The following RELL1 variants were observed in gnomAD, a reference collection of about 807,000 sequenced individuals.
RELL1 encodes RELT-like protein 1.
A neutral mutation model predicts 23.0 loss-of-function variants in RELL1; 10 were observed. That is an observed-to-expected ratio of 0.43 (90% CI 0.27 to 0.74). The LOEUF is 0.74. Among genes scored for constraint, RELL1 ranks in the 30% least tolerant of loss-of-function variants. The pLI is 0.19. For synonymous variants in RELL1, 146 were observed against 146.8 expected, an observed-to-expected ratio of 0.99 and a Z score of 0.04; for missense variants, 315 against 364.4, an observed-to-expected ratio of 0.86 and a Z score of 1.10.
intron 1 of RELL1, among the ~76,000 whole-genome samples, chr4:37,672,053 T>C (rs1415107485): frequency 6.6e-6 from 1 of 151,970 alleles, no homozygotes; most frequent in East Asian, 1.9e-4. Flanking sequence ...TCCCAACACA[T>C]CCATATGTCA....
intron 1 of RELL1, among the ~76,000 whole-genome samples, chr4:37,668,514 A>T (rs1721626175): frequency 6.6e-6 from 1 of 151,822 alleles, no homozygotes; most frequent in Non-Finnish European, 1.5e-5. Context: ...TCCTTCACTC[A>T]GTGCTCAATG....
At chr4:37,605,797 A>AAG (rs1553871639), downstream of RELL1, among the ~76,000 whole-genome samples, 2 of 90,424 alleles carry the variant, frequency 2.2e-5, no homozygotes, top group Non-Finnish European at 4.3e-5. Flanking sequence ...AAGAAAGAGA[A>AAG]AGAAAGAAAG....
intron 3 of RELL1, among the ~76,000 whole-genome samples, chr4:37,647,165 G>A (rs1720737978): frequency 6.6e-6 from 1 of 152,196 alleles, no homozygotes; most frequent in African/African-American, 2.4e-5. Context: ...TCCAGGGCTG[G>A]GTCTCTGCAA....
intron 6 of RELL1, among the ~76,000 whole-genome samples, chr4:37,599,905 G>T (rs533381463): frequency 3.0e-4 from 46 of 152,032 alleles, no homozygotes; most frequent in South Asian, 1.7e-3. Flanking sequence ...CCCCTCTCTC[G>T]GCCATAATGA....
chr4:37,679,665 A>T (rs75411794), intron 1 of RELL1, among the ~76,000 whole-genome samples: 5,660 of 152,242 alleles, frequency 0.037, 153 homozygotes, highest in African/African-American at 0.073. Context: ...CCATAGAACC[A>T]CACATTAGGC....
At chr4:37,590,260 A>C (rs1466800304), downstream of RELL1, 3 of 1,614,080 alleles carry the variant, frequency 1.9e-6, no homozygotes, top group Non-Finnish European at 2.5e-6. Flanking sequence ...GAGCAGCAGC[A>C]GGACAGCTGA....
In RELL1 at chr4:37,611,859, G is replaced by A. The variant is rs1037732414; in HGVS notation, c.*1487C>T. Among the ~76,000 whole-genome samples the A allele has an allele frequency of 6.6e-6, 1 of 152,134 alleles. No individual in the cohort carries two copies. The highest frequency in any genetic ancestry group is 1.5e-5 in the Non-Finnish European group (1 of 68,028). On this transcript the variant is annotated 3_prime_UTR_variant, in exon 7 of 7. Transcript: ENST00000454158. Reference sequence around the variant, plus strand: ...ACAAAGAAAAACATGCCAGAGGTAGGTGCAGGCCCATCTTATATGAGAAGC... The same window carrying A: ...ACAAAGAAAAACATGCCAGAGGTAGATGCAGGCCCATCTTATATGAGAAGC...
At chr4:37,590,871 G>T (rs753032474) in exon 7 of RELL1, 1 of 1,614,248 alleles carries the variant, frequency 6.2e-7, no homozygotes, top group East Asian at 2.2e-5. Context: ...CAGGAAACAG[G>T]CAGGAGGATA....
In RELL1 at chr4:37,631,425, G is replaced by A. The variant is rs1560336883; in HGVS notation, c.779C>T (p.Ala260Val). The A allele has an allele frequency of 1.9e-6, 3 of 1,613,964 alleles. No homozygotes were observed. The African/African-American group carries it at 4.0e-5, about 22-fold the overall frequency. The stretch of plus-strand genomic sequence containing the variant: ...ACTGCGTTCTCTCTTCACAGGTGTT[G>A]CCGGCACCTCCCCATTGACGGTTTC... ...GAETVNGEVPATPVKRERSGT... is the reference protein window; with the variant it reads ...GAETVNGEVPVTPVKRERSGT... Residue 260 changes from alanine to valine, a missense_variant, in exon 6 of 7, where the codon GCA becomes GTA. Ala to Val is a moderately conservative substitution (Grantham distance 64, BLOSUM62 0). Coordinates refer to ENST00000454158, the MANE Select transcript of RELL1 (RefSeq NM_001085400.2).
intron 1 of RELL1, among the ~76,000 whole-genome samples, chr4:37,671,807 T>C (rs2109309568): frequency 6.6e-6 from 1 of 152,344 alleles, no homozygotes; most frequent in Middle Eastern, 3.4e-3. Context: ...CTCTACGGAT[T>C]TGCCCGGAAG....
chr4:37,654,506 T>G (rs946018121), intron 1 of RELL1, among the ~76,000 whole-genome samples: 1 of 152,246 alleles, frequency 6.6e-6, no homozygotes, highest in Admixed American at 6.5e-5. Context: ...TCTAAAACAT[T>G]TATAAACTTC....
intron 1 of RELL1, among the ~76,000 whole-genome samples, chr4:37,658,323 AGAG>A (rs1721199735): frequency 6.6e-6 from 1 of 152,200 alleles, no homozygotes; most frequent in African/African-American, 2.4e-5. Flanking sequence ...AGAGTACGAA[AGAG>A]AACAGTTTAG....
intron 1 of RELL1, among the ~76,000 whole-genome samples, chr4:37,656,893 G>A (rs1371898594): frequency 1.3e-5 from 2 of 152,186 alleles, no homozygotes; most frequent in Admixed American, 6.5e-5. Flanking sequence ...CCAGAACTGT[G>A]AGCAAAATAA....
At chr4:37,639,640 T>A (rs1417780574) in intron 3 of RELL1, among the ~76,000 whole-genome samples, 1 of 152,186 alleles carries the variant, frequency 6.6e-6, no homozygotes, top group Non-Finnish European at 1.5e-5. Flanking sequence ...GATGAAAGAC[T>A]GAAGTGAATG....
chr4:37,599,823 T>G (rs1718968900), intron 6 of RELL1, among the ~76,000 whole-genome samples: 1 of 152,192 alleles, frequency 6.6e-6, no homozygotes, highest in South Asian at 2.1e-4. Flanking sequence ...TCCCCACCCA[T>G]GAACCACCCC....
intron 5 of RELL1, among the ~76,000 whole-genome samples, chr4:37,633,976 C>T (rs907254971): frequency 1.3e-5 from 2 of 152,250 alleles, no homozygotes; most frequent in African/African-American, 4.8e-5. Flanking sequence ...TTGACTTTCG[C>T]TCAGTGCTCA....
Position 37,665,069 on chromosome 4 carries a change from G to A in RELL1, c.89-15569C>T, listed in dbSNP as rs1185675277. ...TGCCTGAAACATCTGCTGCAGCAATGTTATATGTGAAAGCAAATTCTCTCA... is the reference window on the plus strand; with the variant it reads ...TGCCTGAAACATCTGCTGCAGCAATATTATATGTGAAAGCAAATTCTCTCA... On this transcript the variant is annotated intron_variant, in intron 1 of 6. Transcript: ENST00000454158. The A allele has an allele frequency of 1.9e-5, 7 of 364,672 alleles. No individual in the cohort carries two copies. In the East Asian group the frequency reaches 3.7e-4, roughly 19 times the overall value. The allele number at this position is 364,672 out of a possible 1,614,324, so 22.6% of individuals were successfully genotyped here. A position where few individuals can be genotyped will look rare whatever the true frequency, so the allele number is the denominator to read the frequency against.
intron 4 of RELL1, among the ~76,000 whole-genome samples, chr4:37,637,915 T>G (rs916355630): frequency 6.6e-6 from 1 of 152,220 alleles, no homozygotes; most frequent in African/African-American, 2.4e-5. Context: ...CTTTCAATGC[T>G]TAAGGTACTC....
chr4:37,640,198 C>T (rs932588133), intron 3 of RELL1, among the ~76,000 whole-genome samples: 1 of 152,068 alleles, frequency 6.6e-6, no homozygotes, highest in Non-Finnish European at 1.5e-5. Flanking sequence ...TAATCTTTTG[C>T]CAAAAGAAAT....
Sources: allele counts gnomAD v4.1 joint callset (sites outside exome capture counted in the v4.1 genomes callset), GRCh38; gene constraint gnomAD v4.1.1; transcripts MANE v1.5; gene names NCBI Gene and HGNC (gene_info 2026-07-23, HGNC 2026-07-21).